The following PAPSS2 variants were observed in gnomAD, a reference collection of about 807,000 sequenced individuals.
The protein encoded by PAPSS2 is 3'-phosphoadenosine 5'-phosphosulfate synthase 2.
Under a neutral mutation model 66.5 loss-of-function variants are expected in PAPSS2, and 61 were observed. That is an observed-to-expected ratio of 0.92 (90% CI 0.75 to 1.14). The LOEUF (loss-of-function observed/expected upper bound fraction) is 1.14. Ranked by LOEUF, PAPSS2 falls within the 50% of genes most tolerant of loss-of-function variation. The pLI, the probability that PAPSS2 is intolerant of heterozygous loss-of-function variation, is 0.00. For missense variants in PAPSS2, 708 were observed against 789.6 expected (o/e 0.90, Z 1.24); for synonymous variants, 289 against 287.5 (o/e 1.01, Z -0.05).
chr10:87,747,312 C>T lies in PAPSS2; in HGVS notation c.*1342C>T, dbSNP rs372355322. On this transcript the variant is annotated 3_prime_UTR_variant, in exon 13 of 13. Coordinates refer to ENST00000456849, the MANE Select transcript of PAPSS2 (RefSeq NM_001015880.2). The stretch of plus-strand genomic sequence containing the variant: ...GTTGCCAAGGAATAAAGTGAAGAAA[C>T]AGCACCTTTTAATATATAGGTCTCT... 4 of 152,034 alleles carry T rather than the reference C, an allele frequency of 2.6e-5. No individual in the cohort carries two copies. Among genetic ancestry groups the T allele is most frequent in the East Asian group, 1.9e-4 (1 of 5,172 alleles). The allele number at this position is 152,034 out of a possible 1,614,324, so 9.4% of individuals were successfully genotyped here.
At position 87,701,323 on chromosome 10, in the gene PAPSS2, CCTTCCTTTCTTTCTTT is replaced by C. The variant is rs1343977395; in HGVS notation, c.28-7869_28-7854del. On this transcript the variant is annotated intron_variant, in intron 1 of 12. Transcript: ENST00000456849. The stretch of plus-strand genomic sequence containing the variant: ...TTTTTCCTTCCTTCCTTCCTTCCTT[CCTTCCTTTCTTTCTTT>C]CTTTCTTTCTTTCTTTCTTTCTTTC... Among the ~76,000 whole-genome samples, 419 of 84,000 alleles carry C rather than the reference CCTTCCTTTCTTTCTTT, an allele frequency of 5.0e-3. 1 individual carries two copies. Among genetic ancestry groups the C allele is most frequent in the Middle Eastern group, 0.014 (2 of 140 alleles). The allele number at this position is 84,000 out of a possible 152,430, so 55.1% of individuals were successfully genotyped here.
intron 1 of PAPSS2, chr10:87,704,002 G>A: frequency 2.0e-6 from 1 of 503,010 alleles, no homozygotes; most frequent in South Asian, 1.5e-5. Context: ...GAACATCATA[G>A]GCTCTTTGGC....
intron 1 of PAPSS2, among the ~76,000 whole-genome samples, chr10:87,683,295 G>A (rs936158418): frequency 1.3e-5 from 2 of 152,084 alleles, no homozygotes; most frequent in Admixed American, 6.5e-5. Flanking sequence ...GTTTCACCAT[G>A]TTCGCCAGGC....
intron 2 of PAPSS2, among the ~76,000 whole-genome samples, chr10:87,712,138 A>G (rs1369778746): frequency 6.6e-6 from 1 of 152,038 alleles, no homozygotes; most frequent in Non-Finnish European, 1.5e-5. Flanking sequence ...TCATATAAAG[A>G]CTCTAGAGAA....
At chr10:87,670,701 G>T (rs887834424) in intron 1 of PAPSS2, among the ~76,000 whole-genome samples, 3 of 152,018 alleles carry the variant, frequency 2.0e-5, no homozygotes, top group Non-Finnish European at 4.4e-5. Flanking sequence ...AAAGAATCAT[G>T]GTGACTGCAT....
At chr10:87,707,551 ATTTCTTTTT>A (rs1181615441) in intron 1 of PAPSS2, among the ~76,000 whole-genome samples, 3 of 120,804 alleles carry the variant, frequency 2.5e-5, no homozygotes, top group East Asian at 2.4e-4. Context: ...GTGAGTTTTC[ATTTCTTTTT>A]TTTCTTTTTT....
chr10:87,727,588 G>A, intron 9 of PAPSS2, 99 bp downstream of exon 9: 1 of 988,270 alleles, frequency 1.0e-6, no homozygotes, highest in Non-Finnish European at 1.6e-6. Flanking sequence ...AGAAAAACTG[G>A]GATTAGGTGG....
intron 7 of PAPSS2, among the ~76,000 whole-genome samples, chr10:87,720,273 C>T (rs1426890035): frequency 1.3e-5 from 2 of 152,116 alleles, no homozygotes; most frequent in African/African-American, 4.8e-5. Context: ...TGCCTCACTC[C>T]CCCAGTAGAA....
chr10:87,738,829 T>A (rs1853832206), intron 9 of PAPSS2, among the ~76,000 whole-genome samples: 1 of 152,250 alleles, frequency 6.6e-6, no homozygotes, highest in Non-Finnish European at 1.5e-5. Context: ...TTGTAGATCA[T>A]CTCAAGTTAT....
intron 1 of PAPSS2, among the ~76,000 whole-genome samples, chr10:87,698,898 A>G (rs1471154367): frequency 6.6e-6 from 1 of 152,168 alleles, no homozygotes; most frequent in Admixed American, 6.5e-5. Flanking sequence ...ATGTTATGAA[A>G]TTTTAATTTA....
chr10:87,662,194 A>C (rs936994314), intron 1 of PAPSS2, among the ~76,000 whole-genome samples: 1 of 152,186 alleles, frequency 6.6e-6, no homozygotes, highest in Non-Finnish European at 1.5e-5. Context: ...CACAGCAGCC[A>C]CTACAGTAAC....
intron 2 of PAPSS2, among the ~76,000 whole-genome samples, chr10:87,712,617 G>A (rs117936665): frequency 0.03 from 4,626 of 152,046 alleles, 83 homozygotes; most frequent in Non-Finnish European, 0.041. Flanking sequence ...CACCACACCC[G>A]GCTAATTTTT....
At chr10:87,701,392 CTTTCTCTTTCTT>C (rs1853312876) in intron 1 of PAPSS2, among the ~76,000 whole-genome samples, 199 of 85,200 alleles carry the variant, frequency 2.3e-3, no homozygotes, top group Middle Eastern at 6.3e-3. Flanking sequence ...TTCTTTCTTT[CTTTCTCTTTCTT>C]TCTCTCTCTC....
At chr10:87,689,682 AG>A (rs1554863196) in intron 1 of PAPSS2, among the ~76,000 whole-genome samples, 2,604 of 121,730 alleles carry the variant, frequency 0.021, 142 homozygotes, top group African/African-American at 0.086. Flanking sequence ...AAAAAAAAAA[AG>A]AAAAAAAAAA....
intron 1 of PAPSS2, among the ~76,000 whole-genome samples, chr10:87,665,985 T>C (rs1178292454): frequency 2.0e-5 from 3 of 148,554 alleles, no homozygotes; most frequent in Non-Finnish European, 4.5e-5. Context: ...TTTTTTTAGA[T>C]GGAGTCTTGC....
intron 1 of PAPSS2, among the ~76,000 whole-genome samples, chr10:87,681,114 A>C (rs1853015131): frequency 1.3e-5 from 2 of 152,236 alleles, no homozygotes; most frequent in African/African-American, 4.8e-5. Flanking sequence ...TACAATGCAC[A>C]GGACCACAGG....
intron 1 of PAPSS2, among the ~76,000 whole-genome samples, chr10:87,691,039 A>C (rs907189819): frequency 2.0e-4 from 30 of 152,244 alleles, no homozygotes; most frequent in African/African-American, 6.5e-4. Flanking sequence ...ATCTTTCTAC[A>C]CAGTGAATTT....
At chr10:87,726,301 A>G (rs1353296379) in intron 8 of PAPSS2, among the ~76,000 whole-genome samples, 3 of 152,146 alleles carry the variant, frequency 2.0e-5, no homozygotes, top group Non-Finnish European at 4.4e-5. Context: ...GTGGTGGCAC[A>G]TGCCTGTAAT....
chr10:87,733,286 A>G (rs1439692298), intron 9 of PAPSS2, among the ~76,000 whole-genome samples: 2 of 152,220 alleles, frequency 1.3e-5, no homozygotes, highest in Non-Finnish European at 2.9e-5. Context: ...TCTCTTTGGC[A>G]TCACTAAGTA....
Sources: allele counts gnomAD v4.1 joint callset (sites outside exome capture counted in the v4.1 genomes callset), GRCh38; gene constraint gnomAD v4.1.1; transcripts MANE v1.5; gene names NCBI Gene and HGNC (gene_info 2026-07-23, HGNC 2026-07-21).